The following TTLL9 variants were observed in gnomAD, a reference collection of about 807,000 sequenced individuals.
TTLL9 encodes probable tubulin polyglutamylase TTLL9.
A neutral mutation model predicts 65.6 loss-of-function variants in TTLL9; 47 were observed. The ratio of observed to expected loss-of-function variants is 0.72; its 90% CI spans 0.57 to 0.91. The LOEUF (loss-of-function observed/expected upper bound fraction) is 0.91, where lower values mean the gene tolerates loss of function less well. Among genes scored for constraint, TTLL9 ranks in the 40% least tolerant of loss-of-function variants. The probability of loss-of-function intolerance (pLI) is 0.00; values close to 1 mark genes in which losing one functional copy is unlikely to be tolerated. For synonymous variants in TTLL9, 179 were observed against 204.8 expected (o/e 0.87, Z 1.07); for missense variants, 537 against 568.8 (o/e 0.94, Z 0.57).
At chr20:31,899,156 A>G (rs2063433212) in intron 4 of TTLL9, among the ~76,000 whole-genome samples, 2 of 152,248 alleles carry the variant, frequency 1.3e-5, no homozygotes, top group African/African-American at 2.4e-5. Context: ...TATCTGTCTC[A>G]TTGAAGTCCA....
At chr20:31,901,787 C>A (rs1283902996) in intron 4 of TTLL9, among the ~76,000 whole-genome samples, 1 of 152,216 alleles carries the variant, frequency 6.6e-6, no homozygotes, top group East Asian at 1.9e-4. Flanking sequence ...TGACTCCACC[C>A]AGCGTAGGTC....
chr20:31,909,228 T>C (rs112930820), intron 5 of TTLL9, among the ~76,000 whole-genome samples: 1,552 of 147,306 alleles, frequency 0.011, 20 homozygotes, highest in African/African-American at 0.036. Context: ...CTCTGCCTCC[T>C]GGGTTCAAGT....
intron 2 of TTLL9, among the ~76,000 whole-genome samples, chr20:31,880,114 C>A (rs2063094706): frequency 6.6e-6 from 1 of 152,138 alleles, no homozygotes. Context: ...CGGCATGCAC[C>A]GCGCCGCCCA....
At position 31,939,207 on chromosome 20, in the gene TTLL9, G is replaced by C; in HGVS notation, c.1184G>C (p.Arg395Thr). The C allele has an allele frequency of 6.2e-7, 1 of 1,613,230 alleles. No homozygotes were observed. Among genetic ancestry groups the C allele is most frequent in the Non-Finnish European group, 8.5e-7 (1 of 1,179,622 alleles). Reference protein sequence around the residue: ...DLMWNDGPVSREEGAPDLSGM... With the variant: ...DLMWNDGPVSTEEGAPDLSGM... ...ATGTGGAATGATGGCCCTGTTAGCA[G>C]AGAGGAGGGGGCTCCTGACCTGTCG... The change falls in exon 14 of 15, where the codon AGA becomes ACA. Residue 395 changes from arginine (R) to threonine (T), a missense_variant. By Grantham distance (71) the Arg-to-Thr change is moderately conservative. Coordinates refer to ENST00000535842, the MANE Select transcript of TTLL9 (RefSeq NM_001008409.5).
At chr20:31,884,325 A>G (rs1463882443) in intron 2 of TTLL9, among the ~76,000 whole-genome samples, 1 of 152,174 alleles carries the variant, frequency 6.6e-6, no homozygotes, top group Non-Finnish European at 1.5e-5. Context: ...TCCTGGGTTC[A>G]AGTGATTCTC....
intron 4 of TTLL9, among the ~76,000 whole-genome samples, chr20:31,900,185 G>T (rs550704321): frequency 1.3e-5 from 2 of 152,192 alleles, no homozygotes; most frequent in Non-Finnish European, 2.9e-5. Context: ...CTGCTGCGTG[G>T]TGCTCAGGAA....
chr20:31,943,182 C>A lies in TTLL9; in HGVS notation c.*161C>A. 1 of 673,928 alleles carries A rather than the reference C, an allele frequency of 1.5e-6. No homozygotes were observed. Among genetic ancestry groups the A allele is most frequent in the Admixed American group, 2.2e-5 (1 of 45,310 alleles). The allele number at this position is 673,928 out of a possible 1,614,324, so 41.7% of individuals were successfully genotyped here. A position where few individuals can be genotyped will look rare whatever the true frequency, so the allele number is the denominator to read the frequency against. On this transcript the variant is annotated 3_prime_UTR_variant, in exon 15 of 15. Transcript: ENST00000535842. ...CTGCAGCTTACTACCTGAATTGGGCCCCTTGGATACCTCCAGCCCATCCCC... is the reference window on the plus strand; with the variant it reads ...CTGCAGCTTACTACCTGAATTGGGCACCTTGGATACCTCCAGCCCATCCCC...
intron 6 of TTLL9, 59 bp downstream of exon 6, chr20:31,909,981 G>A: frequency 1.3e-6 from 2 of 1,544,646 alleles, no homozygotes; most frequent in South Asian, 1.2e-5. Context: ...GCCATAGCAG[G>A]GATCAGGTGC....
intron 9 of TTLL9, 105 bp downstream of exon 9, chr20:31,925,154 GT>G: frequency 8.2e-7 from 1 of 1,221,596 alleles, no homozygotes; most frequent in Non-Finnish European, 1.2e-6. Flanking sequence ...AGCTTGTCTG[GT>G]TTTATCTCTC....
intron 3 of TTLL9, among the ~76,000 whole-genome samples, chr20:31,895,634 T>G (rs551807034): frequency 6.6e-6 from 1 of 152,098 alleles, no homozygotes; most frequent in East Asian, 1.9e-4. Flanking sequence ...CTTCCCAGGT[T>G]CCAACGATTC....
intron 3 of TTLL9, among the ~76,000 whole-genome samples, chr20:31,893,046 G>A (rs2063329898): frequency 6.6e-6 from 1 of 151,720 alleles, no homozygotes; most frequent in African/African-American, 2.4e-5. Flanking sequence ...ATTTCCATCT[G>A]GTATAATTTT....
intron 10 of TTLL9, among the ~76,000 whole-genome samples, chr20:31,928,096 G>T (rs1031345128): frequency 1.3e-5 from 2 of 149,630 alleles, no homozygotes; most frequent in African/African-American, 4.9e-5. Flanking sequence ...AAAGCAGTTA[G>T]AACAGTGGCT....
rs531616532 is a variant in TTLL9 at position 31,890,362 on chromosome 20, T to C, written c.113+3123T>C. ...AAGTGTTGTTGTACTGTTATTACTA[T>C]TCTGCACCCTGCTTTTGTCACACAA... On this transcript the variant is annotated intron_variant, in intron 3 of 14. Transcript: ENST00000535842. Among the ~76,000 whole-genome samples, 9 of 152,012 alleles carry C rather than the reference T, an allele frequency of 5.9e-5. No homozygotes were observed. The East Asian group carries it at 1.2e-3, about 20-fold the overall frequency.
At chr20:31,931,061 C>T (rs1170443407) in intron 10 of TTLL9, among the ~76,000 whole-genome samples, 1 of 150,608 alleles carries the variant, frequency 6.6e-6, no homozygotes, top group Non-Finnish European at 1.5e-5. Context: ...CTTACTTTGC[C>T]CCAGCATCCT....
rs991283358 is a variant in TTLL9, at chr20:31,870,705, G to A, written c.-250G>A. On this transcript the variant is annotated 5_prime_UTR_variant, in exon 1 of 15. In the 5' UTR this introduces an upstream ATG that the reference lacks. Transcript: ENST00000535842. This position sits in a 1 kb window ranked among gnomAD's most constrained non-coding sequence, Gnocchi z 6.6. ...CCGCGTGGGGCCGCCACCTCCGGAG[G>A]TGGGGGCGGGGGCCTTACCCCACCC... 1.5e-4 allele frequency: 121 copies of A among 802,200 alleles called. No homozygotes were observed. The highest frequency in any genetic ancestry group is 1.4e-4 in the Non-Finnish European group (82 of 582,104). 49.7% of individuals were successfully genotyped at this position (802,200 alleles called of 1,614,324 possible).
At chr20:31,879,961 G>A (rs1444115723) in intron 2 of TTLL9, 2 of 1,264,944 alleles carry the variant, frequency 1.6e-6, no homozygotes, top group African/African-American at 3.3e-5. Context: ...AGCAGCAGAG[G>A]GATTCAAAAT....
intron 8 of TTLL9, among the ~76,000 whole-genome samples, 182 bp downstream of exon 8, chr20:31,923,235 C>T (rs757608492): frequency 4.6e-5 from 7 of 152,284 alleles, no homozygotes; most frequent in Middle Eastern, 3.4e-3. Flanking sequence ...TCCCTCTGCC[C>T]GGCATGTCCA....
At chr20:31,907,811 A>G (rs540812901) in intron 4 of TTLL9, among the ~76,000 whole-genome samples, 27 of 152,282 alleles carry the variant, frequency 1.8e-4, no homozygotes, top group African/African-American at 6.5e-4. Context: ...AGAAGGAGAT[A>G]CAATCAGGCA....
At chr20:31,878,414 T>G (rs1452172112) in intron 2 of TTLL9, among the ~76,000 whole-genome samples, 1 of 152,246 alleles carries the variant, frequency 6.6e-6, no homozygotes, top group East Asian at 1.9e-4. Flanking sequence ...ACTTTAAATC[T>G]GAAGCAAATA....
Sources: gnomAD v4.1 joint callset for allele counts (sites outside exome capture counted in the v4.1 genomes callset) on GRCh38, gnomAD v4.1.1 for gene constraint, Gnocchi (gnomAD v3.1) non-coding constraint, MANE v1.5 for transcripts, NCBI Gene and HGNC (gene_info 2026-07-23, HGNC 2026-07-21) for gene names.